The following PRKG1 variants were observed in gnomAD, a reference collection of about 807,000 sequenced individuals.
PRKG1 encodes protein kinase cGMP-dependent 1, also known as cGMP-dependent protein kinase 1.
In PRKG1, 35 loss-of-function variants were observed where a neutral mutation model predicts 88.1. That is an observed-to-expected ratio of 0.40 (90% confidence interval 0.30 to 0.53). The LOEUF (loss-of-function observed/expected upper bound fraction) is 0.53. PRKG1 is among the 20% of genes least tolerant of loss of function. The probability of loss-of-function intolerance (pLI) is 0.59; values close to 1 mark genes in which losing one functional copy is unlikely to be tolerated. For missense variants in PRKG1, 540 were observed against 839.8 expected, an observed-to-expected ratio of 0.64 and a Z score of 4.41; for synonymous variants, 303 against 292.5, an observed-to-expected ratio of 1.04 and a Z score of -0.37.
At chr10:51,431,169 T>C (rs1838759173) in intron 2 of PRKG1, among the ~76,000 whole-genome samples, 1 of 152,116 alleles carries the variant, frequency 6.6e-6, no homozygotes, top group African/African-American at 2.4e-5. Flanking sequence ...GACAATGGCA[T>C]TGAGTGAAGA....
intron 5 of PRKG1, among the ~76,000 whole-genome samples, chr10:51,963,704 T>TC (rs1360328736): frequency 6.6e-6 from 1 of 152,052 alleles, no homozygotes; most frequent in Non-Finnish European, 1.5e-5. Context: ...CACTCCAGCC[T>TC]CCCCACATGC....
At chr10:52,051,567 G>C (rs1401928330) in intron 5 of PRKG1, among the ~76,000 whole-genome samples, 2 of 152,190 alleles carry the variant, frequency 1.3e-5, no homozygotes, top group Non-Finnish European at 2.9e-5. Context: ...AAGACAAAGA[G>C]TAGGATAAAT....
intron 9 of PRKG1, among the ~76,000 whole-genome samples, chr10:52,224,987 T>G (rs1217450662): frequency 6.6e-6 from 1 of 151,910 alleles, no homozygotes; most frequent in Non-Finnish European, 1.5e-5. Context: ...TCTTTTCCTC[T>G]GGTTAGATAT....
At chr10:51,658,817 A>G (rs1270863689) in intron 3 of PRKG1, among the ~76,000 whole-genome samples, 3 of 151,988 alleles carry the variant, frequency 2.0e-5, no homozygotes, top group African/African-American at 7.3e-5. Context: ...ATTAGCAGAA[A>G]AACTCCCAGT....
chr10:51,841,785 C>A (rs375791755), intron 4 of PRKG1, among the ~76,000 whole-genome samples: 1 of 152,140 alleles, frequency 6.6e-6, no homozygotes, highest in East Asian at 1.9e-4. Flanking sequence ...CAGGTTCAAG[C>A]GATTCTCCTG....
chr10:51,195,905 G>C (rs1263789407), intron 2 of PRKG1, among the ~76,000 whole-genome samples: 3 of 152,170 alleles, frequency 2.0e-5, no homozygotes, highest in Non-Finnish European at 4.4e-5. Flanking sequence ...TTTATAGAGA[G>C]ATACAGTGTT....
intron 2 of PRKG1, among the ~76,000 whole-genome samples, chr10:51,268,288 G>A (rs1839889767): frequency 6.6e-6 from 1 of 152,262 alleles, no homozygotes; most frequent in South Asian, 2.1e-4. Context: ...CATCTTATCA[G>A]GAGACAGGGT....
chr10:52,297,215 G>C lies in PRKG1; in HGVS notation c.*3315G>C, dbSNP rs1842402663. ...ACAGCATTATTATTTCATTTTATTT[G>C]TATTGAATAATGTTTTTAGGTCCAA... is the stretch of plus-strand genomic sequence containing the variant. On this transcript the variant is annotated 3_prime_UTR_variant, in exon 18 of 18. Transcript: ENST00000373980. The C allele has an allele frequency of 6.6e-6, 1 of 151,850 alleles. No homozygotes were observed. Among genetic ancestry groups the C allele is most frequent in the South Asian group, 2.1e-4 (1 of 4,816 alleles). The allele number at this position is 151,850 out of a possible 1,614,324, so 9.4% of individuals were successfully genotyped here.
At chr10:51,130,164 A>G (rs1245127632) in intron 1 of PRKG1, among the ~76,000 whole-genome samples, 1 of 152,222 alleles carries the variant, frequency 6.6e-6, no homozygotes, top group Non-Finnish European at 1.5e-5. Context: ...CAGTTGTTCA[A>G]GTCAGAAGCC....
intron 2 of PRKG1, among the ~76,000 whole-genome samples, chr10:51,164,296 G>A (rs555374506): frequency 6.6e-6 from 1 of 152,346 alleles, no homozygotes; most frequent in African/African-American, 2.4e-5. Flanking sequence ...AGGGTCTGGA[G>A]TGGACCGCTA....
chr10:51,243,280 A>G (rs951164161), intron 2 of PRKG1, among the ~76,000 whole-genome samples: 29 of 152,182 alleles, frequency 1.9e-4, no homozygotes, highest in African/African-American at 5.5e-4. Flanking sequence ...ACATGTGGAC[A>G]TGTTTTAAAG....
chr10:51,852,466 A>G (rs1044322431), intron 4 of PRKG1, among the ~76,000 whole-genome samples: 16 of 151,966 alleles, frequency 1.1e-4, no homozygotes, highest in African/African-American at 3.9e-4. Context: ...CATATAACCA[A>G]GCAATTGAGC....
In PRKG1 at chr10:51,132,900, A is replaced by T. The variant is rs117004285; in HGVS notation, c.312-20264A>T. On this transcript the variant is annotated intron_variant, in intron 1 of 17. Coordinates refer to ENST00000373980, the MANE Select transcript of PRKG1 (RefSeq NM_006258.4). ...CATCATATACATATGTCAAAACATC[A>T]GAGTGTACCCCATAAATGTATATAA... Among the ~76,000 whole-genome samples the T allele has an allele frequency of 3.9e-3, 591 of 152,178 alleles. 4 individuals are homozygous for T. Among genetic ancestry groups the T allele is most frequent in the Non-Finnish European group, 7.1e-3 (485 of 67,990 alleles).
At chr10:51,854,395 C>G (rs1840629888) in intron 4 of PRKG1, among the ~76,000 whole-genome samples, 3 of 151,932 alleles carry the variant, frequency 2.0e-5, no homozygotes, top group South Asian at 4.2e-4. Context: ...TGTCTGTCAC[C>G]CAGTAGTAAA....
In PRKG1 at chr10:51,579,128, C is replaced by T. The variant is rs186947503; in HGVS notation, c.592+111292C>T. Reference sequence around the variant, plus strand: ...TCCTGAGTAGCTGGGACTACAGGTGCGTGCCACCACGCCCAGCTAATTTTT... The same window carrying T: ...TCCTGAGTAGCTGGGACTACAGGTGTGTGCCACCACGCCCAGCTAATTTTT... On this transcript the variant is annotated intron_variant, in intron 3 of 17. Coordinates refer to ENST00000373980, the MANE Select transcript of PRKG1 (RefSeq NM_006258.4). Among the ~76,000 whole-genome samples, 271 of 151,372 alleles carry T rather than the reference C, an allele frequency of 1.8e-3. 1 individual carries two copies. Among genetic ancestry groups the T allele is most frequent in the African/African-American group, 6.3e-3 (260 of 41,312 alleles).
In PRKG1 at chr10:51,665,786, G is replaced by C. The variant is rs569179448; in HGVS notation, c.593-138799G>C. 2.6e-5 allele frequency among the ~76,000 whole-genome samples: 4 copies of C among 151,684 alleles called. No homozygotes were observed. In the South Asian group the frequency reaches 8.3e-4, roughly 31 times the overall value. Reference sequence around the variant, plus strand: ...GTAAAAGAAATTATACTAATCTCAAGTCTAAGGAGAATATTAAGATATAAG... The same window carrying C: ...GTAAAAGAAATTATACTAATCTCAACTCTAAGGAGAATATTAAGATATAAG... On this transcript the variant is annotated intron_variant, in intron 3 of 17. Coordinates refer to ENST00000373980, the MANE Select transcript of PRKG1 (RefSeq NM_006258.4).
chr10:51,519,769 C>T (rs1254231085), intron 3 of PRKG1, among the ~76,000 whole-genome samples: 1 of 152,102 alleles, frequency 6.6e-6, no homozygotes. Context: ...AAAAATAACT[C>T]AATCACCTTT....
At chr10:51,045,180 C>T (rs1159743365) in intron 1 of PRKG1, among the ~76,000 whole-genome samples, 1 of 152,148 alleles carries the variant, frequency 6.6e-6, no homozygotes, top group Non-Finnish European at 1.5e-5. Context: ...TTCTAGGTCA[C>T]ATTTAGAAAC....
At chr10:51,290,536 C>A (rs1458142790) in intron 2 of PRKG1, among the ~76,000 whole-genome samples, 1 of 152,106 alleles carries the variant, frequency 6.6e-6, no homozygotes, top group Non-Finnish European at 1.5e-5. Context: ...ACTTAGCTCT[C>A]AAATCTATGA....
Sources: gnomAD v4.1 joint callset for allele counts (sites outside exome capture counted in the v4.1 genomes callset) on GRCh38, gnomAD v4.1.1 for gene constraint, MANE v1.5 for transcripts, NCBI Gene and HGNC (gene_info 2026-07-23, HGNC 2026-07-21) for gene names.